The following INTS10 variants were observed in gnomAD, a reference collection of about 807,000 sequenced individuals.
INTS10 encodes the protein chromosome 8 open reading frame 35.
Under a neutral mutation model 94.4 loss-of-function variants are expected in INTS10, and 44 were observed. The ratio of observed to expected loss-of-function variants is 0.47; its 90% CI spans 0.37 to 0.60. INTS10 has a LOEUF of 0.60. Ranked by LOEUF, INTS10 falls within the 20% of genes least tolerant of loss-of-function variation. The pLI is 0.00. For synonymous variants in INTS10, 341 were observed against 320.7 expected (o/e 1.06, Z -0.68); for missense variants, 797 against 868.7 (o/e 0.92, Z 1.04).
rs1369899330 is a variant in INTS10, at chr8:19,833,273, G to A, written c.1482G>A (p.Arg494=). 1.9e-5 allele frequency: 30 copies of A among 1,613,008 alleles called. No homozygotes were observed. ...GGCAGGGGACCCTGGAGCATCAGAG[G>A]GCGCTCATCCAGCTGGCGACGTGCC... ...ITGQGTLEHQ[R]ALIQLATCHF... The change falls in exon 12 of 17, where the codon AGG becomes AGA. Residue 494 remains arginine (R), a synonymous_variant. Transcript: ENST00000397977.
In INTS10 at chr8:19,822,497, T is replaced by A; in HGVS notation, c.500T>A (p.Val167Glu). ...AETIEEQESP[V>E]NCFRKLFVCD... ...ACTATTGAAGAACAAGAATCTCCAG[T>A]GAACTGCTTTAGAAAATTATTTGGT... Residue 167 changes from valine to glutamate, a missense_variant, in exon 5 of 17, where the codon GTG becomes GAG. Around this residue, in one of 3 missense-constraint regions of INTS10, gnomAD observed 734 missense variants for 787.8 expected, o/e 0.93. Coordinates refer to ENST00000397977, the MANE Select transcript of INTS10 (RefSeq NM_018142.4). The A allele has an allele frequency of 6.2e-7, 1 of 1,608,394 alleles. No homozygotes were observed. Among genetic ancestry groups the A allele is most frequent in the Non-Finnish European group, 8.5e-7 (1 of 1,174,984 alleles).
intron 15 of INTS10, among the ~76,000 whole-genome samples, chr8:19,844,497 G>T (rs2128807442): frequency 6.6e-6 from 1 of 152,300 alleles, no homozygotes; most frequent in South Asian, 2.1e-4. Flanking sequence ...TACGCAAAAT[G>T]CCTCCAGTAA....
intron 13 of INTS10, among the ~76,000 whole-genome samples, chr8:19,842,379 C>T (rs1016976740): frequency 2.6e-5 from 4 of 152,148 alleles, no homozygotes; most frequent in Admixed American, 6.5e-5. Context: ...TTGTTGTTTA[C>T]GTGTGTAACA....
At chr8:19,819,308 TTTATTC>T (rs1177875768) in intron 2 of INTS10, among the ~76,000 whole-genome samples, 4 of 152,254 alleles carry the variant, frequency 2.6e-5, no homozygotes, top group African/African-American at 9.6e-5. Flanking sequence ...AATAGTTTGT[TTTATTC>T]TTGTTGACTT....
intron 1 of INTS10, 54 bp downstream of exon 1, chr8:19,817,720 CGCCCGGGCTGCCCTG>C: frequency 6.4e-7 from 1 of 1,558,760 alleles, no homozygotes. Context: ...GCGCTCCCGT[CGCCCGGGCTGCCCTG>C]GCCCAGAGCT....
chr8:19,824,446 C>T (rs570464509), intron 7 of INTS10: 10 of 194,330 alleles, frequency 5.1e-5, no homozygotes, highest in South Asian at 3.8e-4. Flanking sequence ...GAGCCAAGAT[C>T]ACACCACTGC....
chr8:19,829,830 G>T (rs150176509), intron 9 of INTS10, among the ~76,000 whole-genome samples: 51 of 152,060 alleles, frequency 3.4e-4, no homozygotes, highest in African/African-American at 1.2e-3. Flanking sequence ...CACCATGCCC[G>T]GCTGACTTTG....
intron 1 of INTS10, 47 bp from the exon 2 acceptor site, chr8:19,818,228 C>A: frequency 6.3e-7 from 1 of 1,583,304 alleles, no homozygotes; most frequent in South Asian, 1.1e-5. Context: ...GAGCTGGGAG[C>A]CTTCTGGGCA....
intron 16 of INTS10, among the ~76,000 whole-genome samples, chr8:19,850,620 C>G (rs1008369612): frequency 2.0e-5 from 3 of 151,960 alleles, no homozygotes; most frequent in African/African-American, 7.3e-5. Flanking sequence ...TTGCCCAGAA[C>G]ATAAAAAAAT....
chr8:19,839,184 A>G (rs2067919549), intron 13 of INTS10, among the ~76,000 whole-genome samples: 2 of 152,242 alleles, frequency 1.3e-5, no homozygotes, highest in Admixed American at 1.3e-4. Context: ...TCAGTTCATG[A>G]TAACAAAAAT....
At chr8:19,839,537 A>G (rs2067948466) in intron 13 of INTS10, among the ~76,000 whole-genome samples, 1 of 152,034 alleles carries the variant, frequency 6.6e-6, no homozygotes, top group African/African-American at 2.4e-5. Flanking sequence ...CGTCTCTACA[A>G]AAAATTTAAA....
rs1306609150 is a variant in INTS10, at chr8:19,824,030, G to A, written c.822G>A (p.Met274Ile). Residue 274 changes from methionine (M) to isoleucine (I), a missense_variant, in exon 7 of 17, where the codon ATG becomes ATA. This residue lies in a region of INTS10 where 734 missense variants were observed against 787.8 expected (regional missense o/e 0.93). Coordinates refer to ENST00000397977, the MANE Select transcript of INTS10 (RefSeq NM_018142.4). ...NVVGMRCEWQ[M>I]DKGRRSYGDI... is the part of the protein sequence containing the mutation. ...TTGGAATGAGATGTGAATGGCAGAT[G>A]GATAAAGGAAGACGGTAATAAATAG... The A allele has an allele frequency of 2.5e-6, 4 of 1,605,020 alleles. No homozygotes were observed. The highest frequency in any genetic ancestry group is 3.4e-6 in the Non-Finnish European group (4 of 1,176,480).
Position 19,824,820 on chromosome 8 carries a change from T to C in INTS10, c.854T>C (p.Leu285Ser), listed in dbSNP as rs778686841. ...DKGRRSYGDI[L>S]HRMKDLCRYM... ...CTTTTTAGAAGCTATGGAGATATTTTGCATAGAATGAAGGATCTCTGCAGA... is the reference window on the plus strand; with the variant it reads ...CTTTTTAGAAGCTATGGAGATATTTCGCATAGAATGAAGGATCTCTGCAGA... Residue 285 changes from leucine to serine, a missense_variant, in exon 8 of 17, where the codon TTG (leucine) becomes TCG (serine). Physicochemically the swap from Leu to Ser is moderately radical, Grantham distance 145 (BLOSUM62 -2). Coordinates refer to ENST00000397977, the MANE Select transcript of INTS10 (RefSeq NM_018142.4). 1.9e-6 allele frequency: 3 copies of C among 1,609,692 alleles called. No individual in the cohort carries two copies. The highest frequency in any genetic ancestry group is 2.5e-6 in the Non-Finnish European group (3 of 1,177,494).
At chr8:19,819,470 C>A in intron 2 of INTS10, 103 bp from the exon 3 acceptor site, 1 of 759,014 alleles carries the variant, frequency 1.3e-6, no homozygotes, top group Non-Finnish European at 2.1e-6. Flanking sequence ...TCTAAGCATT[C>A]ACTTGGAATA....
At chr8:19,820,317 A>G (rs1262314901) in intron 3 of INTS10, 62 bp from the exon 4 acceptor site, 13 of 1,525,356 alleles carry the variant, frequency 8.5e-6, no homozygotes, top group African/African-American at 1.4e-5. Context: ...CTTACTCAGC[A>G]CTGTTGCTGC....
In INTS10 at chr8:19,840,121, A is replaced by G. The variant is rs540590688; in HGVS notation, c.1640-2727A>G. ...AGACGTTTTAGTGTATAAAAAATCAATTCAATTTGTATGCTATTAATAAGC... is the reference window on the plus strand; with the variant it reads ...AGACGTTTTAGTGTATAAAAAATCAGTTCAATTTGTATGCTATTAATAAGC... On this transcript the variant is annotated intron_variant, in intron 13 of 16. Coordinates refer to ENST00000397977, the MANE Select transcript of INTS10 (RefSeq NM_018142.4). 7.9e-5 allele frequency among the ~76,000 whole-genome samples: 12 copies of G among 151,962 alleles called. 1 individual carries two copies. The South Asian group carries it at 2.5e-3, about 32-fold the overall frequency.
At chr8:19,847,423 C>T (rs1281321556) in intron 16 of INTS10, among the ~76,000 whole-genome samples, 3 of 152,234 alleles carry the variant, frequency 2.0e-5, no homozygotes, top group African/African-American at 7.2e-5. Flanking sequence ...CCTTTGGATA[C>T]GGAAGCCCAG....
At chr8:19,822,872 A>C (rs1191698452) in intron 5 of INTS10, among the ~76,000 whole-genome samples, 1 of 151,676 alleles carries the variant, frequency 6.6e-6, no homozygotes, top group African/African-American at 2.4e-5. Context: ...GTCGCTTGAA[A>C]CTGGGAGGCG....
At chr8:19,817,823 TC>T (rs2066048715) in intron 1 of INTS10, among the ~76,000 whole-genome samples, 157 bp downstream of exon 1, 1 of 79,100 alleles carries the variant, frequency 1.3e-5, no homozygotes, top group Non-Finnish European at 2.4e-5. Flanking sequence ...TCCCCTCCCA[TC>T]CTACACCTTG....
Sources: gnomAD v4.1 joint callset for allele counts (sites outside exome capture counted in the v4.1 genomes callset) on GRCh38, gnomAD v4.1.1 for gene constraint, gnomAD v4.1.1 regional missense constraint, MANE v1.5 for transcripts, NCBI Gene and HGNC (gene_info 2026-07-23, HGNC 2026-07-21) for gene names.